The following PIK3C2G variants were observed in gnomAD, a reference collection of about 807,000 sequenced individuals.
PIK3C2G encodes phosphatidylinositol-4-phosphate 3-kinase catalytic subunit type 2 gamma.
Under a neutral mutation model 181.1 loss-of-function variants are expected in PIK3C2G, and 168 were observed. The observed-to-expected ratio is 0.93, with a 90% CI of 0.82 to 1.05. The LOEUF (loss-of-function observed/expected upper bound fraction) is 1.05. Among genes scored for constraint, PIK3C2G ranks in the 50% least tolerant of loss-of-function variants. PIK3C2G has a pLI of 0.00. For missense variants in PIK3C2G, 1,869 were observed against 1,732.8 expected, an observed-to-expected ratio of 1.08 and a Z score of -1.40; for synonymous variants, 573 against 592.2, an observed-to-expected ratio of 0.97 and a Z score of 0.47.
At chr12:18,696,120 G>A in the PIK3C2G span, 19 of 1,144,026 alleles carry the variant, frequency 1.7e-5, no homozygotes, top group Non-Finnish European at 2.1e-5. Flanking sequence ...TGTTACTTCT[G>A]CAAACAACTC....
rs12297792 is a variant in PIK3C2G, at chr12:18,448,248, G to C, written c.2504+24209G>C. Among the ~76,000 whole-genome samples the C allele has an allele frequency of 3.4e-3, 514 of 152,034 alleles. 2 individuals carry two copies. The highest frequency in any genetic ancestry group is 0.012 in the African/African-American group (479 of 41,476). The stretch of plus-strand genomic sequence containing the variant: ...GTATGTTTTGTAATGGAATATATTA[G>C]TATGAAAGAATATACCTATAATTCA... On this transcript the variant is annotated intron_variant, in intron 18 of 32. Transcript: ENST00000538779.
chr12:18,254,626 T>C (rs1948125804), intron 1 of PIK3C2G, among the ~76,000 whole-genome samples: 2 of 150,978 alleles, frequency 1.3e-5, no homozygotes, highest in Non-Finnish European at 3.0e-5. Flanking sequence ...AGGTGGATCA[T>C]GAGGTCAAGA....
At chr12:18,413,131 T>TTGGAC (rs1944969619) in intron 16 of PIK3C2G, among the ~76,000 whole-genome samples, 1 of 152,166 alleles carries the variant, frequency 6.6e-6, no homozygotes, top group African/African-American at 2.4e-5. Flanking sequence ...AGTGTCTTCA[T>TTGGAC]TGGACAATGG....
intron 31 of PIK3C2G, among the ~76,000 whole-genome samples, chr12:18,620,676 CTT>C (rs199546345): frequency 6.7e-6 from 1 of 148,834 alleles, no homozygotes; most frequent in Non-Finnish European, 1.5e-5. Context: ...GCTAAGCCAA[CTT>C]TTTTTTTTAT....
intron 15 of PIK3C2G, among the ~76,000 whole-genome samples, chr12:18,396,047 T>C (rs1943873263): frequency 6.6e-6 from 1 of 151,616 alleles, no homozygotes; most frequent in Non-Finnish European, 1.5e-5. Flanking sequence ...GGTAATCATA[T>C]CAATAAGACA....
chr12:18,397,658 T>C (rs777247204), intron 15 of PIK3C2G, among the ~76,000 whole-genome samples: 4 of 152,068 alleles, frequency 2.6e-5, no homozygotes, highest in African/African-American at 9.7e-5. Context: ...AATGGAACTA[T>C]CATACTCTGC....
chr12:18,682,817 T>C, the PIK3C2G span, among the ~76,000 whole-genome samples: 1 of 152,018 alleles, frequency 6.6e-6, no homozygotes, highest in African/African-American at 2.4e-5. Context: ...GGCCTGGCAA[T>C]CTAATTCCTT....
intron 1 of PIK3C2G, among the ~76,000 whole-genome samples, chr12:18,280,079 T>C (rs1277947102): frequency 2.0e-5 from 3 of 152,034 alleles, no homozygotes; most frequent in Non-Finnish European, 4.4e-5. Context: ...CTTTACCACA[T>C]GCACACATAA....
At chr12:18,705,041 C>A in the PIK3C2G span, 3 of 1,200,064 alleles carry the variant, frequency 2.5e-6, no homozygotes, top group Admixed American at 3.5e-5. Context: ...CAAAAATAAA[C>A]CTCTATACGT....
chr12:18,640,862 CT>C (rs778490107), intron 32 of PIK3C2G, among the ~76,000 whole-genome samples: 3 of 152,106 alleles, frequency 2.0e-5, no homozygotes, highest in Non-Finnish European at 4.4e-5. Flanking sequence ...CCTTATTCTC[CT>C]TTACCTGATT....
the PIK3C2G span, chr12:18,683,225 T>C: frequency 5.7e-5 from 91 of 1,596,518 alleles, no homozygotes; most frequent in Middle Eastern, 8.3e-4. Flanking sequence ...TGATATGTCA[T>C]TTATCATTAG....
chr12:18,313,830 G>GCA (rs1950744063), intron 5 of PIK3C2G, 132 bp from the exon 6 acceptor site: 4 of 492,984 alleles, frequency 8.1e-6, no homozygotes, highest in South Asian at 5.6e-5. Context: ...ACACACACAC[G>GCA]CACACACACG....
At chr12:18,390,650 T>A (rs1463462245) in intron 14 of PIK3C2G, among the ~76,000 whole-genome samples, 2 of 152,112 alleles carry the variant, frequency 1.3e-5, no homozygotes, top group African/African-American at 4.8e-5. Flanking sequence ...ACATAATGAT[T>A]CTCAGACTTG....
chr12:18,243,632 T>G (rs1435851689), upstream of PIK3C2G, among the ~76,000 whole-genome samples: 1 of 152,024 alleles, frequency 6.6e-6, no homozygotes, highest in Non-Finnish European at 1.5e-5. Flanking sequence ...GAAACTAAAG[T>G]GCTTGTTATG....
intron 3 of PIK3C2G, among the ~76,000 whole-genome samples, chr12:18,289,339 T>G (rs561798928): frequency 6.6e-6 from 1 of 152,216 alleles, no homozygotes; most frequent in Non-Finnish European, 1.5e-5. Flanking sequence ...TTCTGGCCCA[T>G]GGTAGATGCT....
chr12:18,439,781 T>C (rs1426448274), intron 18 of PIK3C2G, among the ~76,000 whole-genome samples: 1 of 152,118 alleles, frequency 6.6e-6, no homozygotes, highest in Admixed American at 6.6e-5. Flanking sequence ...TCATTCTCCA[T>C]ATTGCTTTAA....
At chr12:18,514,984 C>T (rs1466889920) in intron 24 of PIK3C2G, among the ~76,000 whole-genome samples, 1 of 151,824 alleles carries the variant, frequency 6.6e-6, no homozygotes, top group Non-Finnish European at 1.5e-5. Context: ...TTTTCTATAA[C>T]TCTTGAAGCA....
chr12:18,417,906 A>AG (rs1315909106), intron 16 of PIK3C2G, among the ~76,000 whole-genome samples: 10 of 152,056 alleles, frequency 6.6e-5, no homozygotes, highest in Non-Finnish European at 1.5e-4. Context: ...TTTGACGGAG[A>AG]GAAAAAAAGA....
intron 24 of PIK3C2G, among the ~76,000 whole-genome samples, chr12:18,524,851 A>G (rs934439699): frequency 6.6e-6 from 1 of 151,864 alleles, no homozygotes; most frequent in African/African-American, 2.4e-5. Context: ...TACAGGCATG[A>G]GCCACCCACC....
Sources: gnomAD v4.1 joint callset for allele counts (sites outside exome capture counted in the v4.1 genomes callset) on GRCh38, gnomAD v4.1.1 for gene constraint, MANE v1.5 for transcripts, NCBI Gene and HGNC (gene_info 2026-07-23, HGNC 2026-07-21) for gene names.